CTNNA3: variants seen among roughly 807,000 people sequenced by gnomAD.
The protein encoded by CTNNA3 is catenin alpha 3.
CTNNA3 carries 76 observed loss-of-function variants against 95.7 expected under a neutral mutation model. That is an observed-to-expected ratio of 0.79 (90% confidence interval 0.66 to 0.96). The LOEUF (loss-of-function observed/expected upper bound fraction) is 0.96. Among genes scored for constraint, CTNNA3 ranks in the 40% least tolerant of loss-of-function variants. CTNNA3 has a pLI of 0.00. For missense variants in CTNNA3, 1,191 were observed against 1,089.8 expected, an observed-to-expected ratio of 1.09 and a Z score of -1.31; for synonymous variants, 431 against 374.4, an observed-to-expected ratio of 1.15 and a Z score of -1.74.
chr10:67,194,214 G>A (rs943536603), intron 6 of CTNNA3, among the ~76,000 whole-genome samples: 1 of 151,774 alleles, frequency 6.6e-6, no homozygotes, highest in South Asian at 2.1e-4. Flanking sequence ...TGCACTTCTT[G>A]GTATTTGCCC....
intron 1 of CTNNA3, among the ~76,000 whole-genome samples, chr10:67,713,091 AAAAC>A (rs1841121348): frequency 6.6e-6 from 1 of 152,228 alleles, no homozygotes; most frequent in African/African-American, 2.4e-5. Flanking sequence ...TTACAAGAAA[AAAAC>A]AAACAACCCC....
In CTNNA3 at chr10:66,592,348, T is replaced by C. The variant is rs1843581564; in HGVS notation, c.1374+29344A>G. On this transcript the variant is annotated intron_variant, in intron 10 of 17. Transcript: ENST00000433211. Reference sequence around the variant, plus strand: ...TTATTTTCCTTTCTTCAAAAAATATTTGAAAAGGACATAAGCAAGTTCAGA... The same window carrying C: ...TTATTTTCCTTTCTTCAAAAAATATCTGAAAAGGACATAAGCAAGTTCAGA... 1.3e-5 allele frequency among the ~76,000 whole-genome samples: 2 copies of C among 152,112 alleles called. 1 individual carries two copies. The highest frequency in any genetic ancestry group is 4.8e-5 in the African/African-American group (2 of 41,414).
At chr10:66,796,502 A>T (rs1841197095) in intron 7 of CTNNA3, among the ~76,000 whole-genome samples, 1 of 152,106 alleles carries the variant, frequency 6.6e-6, no homozygotes, top group South Asian at 2.1e-4. Context: ...AACAGATATA[A>T]AAATAATTTA....
intron 5 of CTNNA3, among the ~76,000 whole-genome samples, chr10:67,516,745 A>G (rs1839829908): frequency 6.6e-6 from 1 of 152,136 alleles, no homozygotes; most frequent in Admixed American, 6.5e-5. Flanking sequence ...ACCTTTGATC[A>G]ATATCTACTA....
In CTNNA3 at chr10:66,602,230, C is replaced by G. The variant is rs188081958; in HGVS notation, c.1374+19462G>C. Reference sequence around the variant, plus strand: ...CTGGGAAGAAATAGTCAGACATTCTCCATTTGGTTAAACATCCTACTACAA... The same window carrying G: ...CTGGGAAGAAATAGTCAGACATTCTGCATTTGGTTAAACATCCTACTACAA... On this transcript the variant is annotated intron_variant, in intron 10 of 17. Transcript: ENST00000433211. Among the ~76,000 whole-genome samples, 347 of 151,948 alleles carry G rather than the reference C, an allele frequency of 2.3e-3. 1 individual carries two copies. Among genetic ancestry groups the G allele is most frequent in the African/African-American group, 7.9e-3 (328 of 41,502 alleles).
At chr10:67,325,972 T>C (rs1056586665) in intron 5 of CTNNA3, among the ~76,000 whole-genome samples, 20 of 152,230 alleles carry the variant, frequency 1.3e-4, no homozygotes, top group African/African-American at 4.8e-4. Flanking sequence ...TTTACTATTA[T>C]GTAATGCCCT....
At chr10:66,448,220 C>G (rs2093437409) in intron 11 of CTNNA3, among the ~76,000 whole-genome samples, 1 of 152,142 alleles carries the variant, frequency 6.6e-6, no homozygotes, top group South Asian at 2.1e-4. Flanking sequence ...CACTTTTACA[C>G]TGTTGGTGGG....
chr10:66,503,168 C>G (rs1201044626), intron 11 of CTNNA3, among the ~76,000 whole-genome samples: 1 of 152,108 alleles, frequency 6.6e-6, no homozygotes, highest in Non-Finnish European at 1.5e-5. Flanking sequence ...GTCCTAGACA[C>G]TATTCAAAAC....
At chr10:66,143,044 TTTA>T (rs2083696966) in intron 13 of CTNNA3, among the ~76,000 whole-genome samples, 1 of 152,100 alleles carries the variant, frequency 6.6e-6, no homozygotes. Context: ...TATACAATAC[TTTA>T]TGTATTTTAT....
At chr10:66,083,855 G>T (rs963070304) in intron 14 of CTNNA3, among the ~76,000 whole-genome samples, 2 of 152,158 alleles carry the variant, frequency 1.3e-5, no homozygotes, top group African/African-American at 4.8e-5. Flanking sequence ...TAGTGAGTTG[G>T]CTGGGTGTGG....
At chr10:66,742,592 G>A (rs142822068) in intron 9 of CTNNA3, among the ~76,000 whole-genome samples, 30 of 152,146 alleles carry the variant, frequency 2.0e-4, no homozygotes, top group African/African-American at 7.0e-4. Flanking sequence ...AGAACCTGCC[G>A]ACAGGATGTC....
intron 7 of CTNNA3, among the ~76,000 whole-genome samples, chr10:66,882,464 T>C (rs1844885585): frequency 2.0e-5 from 3 of 152,070 alleles, no homozygotes; most frequent in African/African-American, 4.8e-5. Flanking sequence ...CTCAACCCCA[T>C]CTGCTATGTG....
chr10:66,216,062 G>A (rs183972943), intron 13 of CTNNA3, among the ~76,000 whole-genome samples: 6 of 152,314 alleles, frequency 3.9e-5, no homozygotes, highest in South Asian at 4.1e-4. Context: ...CTAATCTGCC[G>A]TGTTGACTCT....
At chr10:66,191,439 T>C (rs1363301367) in intron 13 of CTNNA3, among the ~76,000 whole-genome samples, 2 of 152,202 alleles carry the variant, frequency 1.3e-5, no homozygotes, top group East Asian at 3.9e-4. Flanking sequence ...AGGTGATTCC[T>C]TTAACCCAAT....
intron 15 of CTNNA3, among the ~76,000 whole-genome samples, chr10:66,018,239 GAAT>G (rs1175010209): frequency 8.1e-6 from 1 of 122,700 alleles, no homozygotes; most frequent in Non-Finnish European, 1.8e-5. Flanking sequence ...GGCTGACAAA[GAAT>G]AAGTGCAGAA....
At chr10:67,597,314 A>T (rs1842960163) in intron 3 of CTNNA3, among the ~76,000 whole-genome samples, 1 of 152,186 alleles carries the variant, frequency 6.6e-6, no homozygotes. Flanking sequence ...TAGTGCAGTC[A>T]TTTGGAAGTA....
intron 13 of CTNNA3, among the ~76,000 whole-genome samples, chr10:66,110,400 A>G (rs2082077968): frequency 6.6e-6 from 1 of 151,710 alleles, no homozygotes; most frequent in Admixed American, 6.6e-5. Context: ...CAATATGCCT[A>G]AGAGATATCT....
intron 10 of CTNNA3, among the ~76,000 whole-genome samples, chr10:66,567,030 A>T (rs1842727719): frequency 8.0e-6 from 1 of 125,468 alleles, no homozygotes; most frequent in Non-Finnish European, 1.6e-5. Flanking sequence ...AAAGGGACAA[A>T]GGGAAGGGGA....
At chr10:66,164,006 G>A (rs1204062374) in intron 13 of CTNNA3, among the ~76,000 whole-genome samples, 1 of 152,096 alleles carries the variant, frequency 6.6e-6, no homozygotes, top group African/African-American at 2.4e-5. Flanking sequence ...AAAGCAACAT[G>A]GGAGAAAGCA....
Sources: allele counts gnomAD v4.1 joint callset (sites outside exome capture counted in the v4.1 genomes callset), GRCh38; gene constraint gnomAD v4.1.1; transcripts MANE v1.5; gene names NCBI Gene and HGNC (gene_info 2026-07-23, HGNC 2026-07-21).